Variants in SOCS5 observed in about 807,000 individuals in gnomAD.
SOCS5 encodes the protein suppressor of cytokine signaling 5.
Under a neutral mutation model 42.8 loss-of-function variants are expected in SOCS5, and 32 were observed. That is an observed-to-expected ratio of 0.75 (90% CI 0.56 to 1.01). The LOEUF is 1.01. Among genes scored for constraint, SOCS5 ranks in the 50% least tolerant of loss-of-function variants. The probability of loss-of-function intolerance (pLI) is 0.00; values close to 1 mark genes in which losing one functional copy is unlikely to be tolerated. For synonymous variants in SOCS5, 283 were observed against 229.6 expected (o/e 1.23, Z -2.10); for missense variants, 627 against 653.0 (o/e 0.96, Z 0.43).
At chr2:46,756,896 A>T (rs539277424) in intron 1 of SOCS5, among the ~76,000 whole-genome samples, 1 of 152,224 alleles carries the variant, frequency 6.6e-6, no homozygotes, top group East Asian at 1.9e-4. Flanking sequence ...AAAAATGCTT[A>T]CGAGAGAGAT....
intron 1 of SOCS5, among the ~76,000 whole-genome samples, chr2:46,700,838 T>C (rs1190358542): frequency 2.6e-5 from 4 of 152,218 alleles, no homozygotes; most frequent in Admixed American, 6.5e-5. Context: ...TTTAATCTTA[T>C]GAATATTTTC....
At position 46,760,616 on chromosome 2, in the gene SOCS5, C is replaced by A; in HGVS notation, c.*475C>A. The stretch of plus-strand genomic sequence containing the variant: ...GAAGTCCAAAAAGAATAAAAGACTG[C>A]CTTCCTTTTAGAAAAAAATGCAATT... On this transcript the variant is annotated 3_prime_UTR_variant, in exon 2 of 2. Transcript: ENST00000394861. 1 of 169,566 alleles carries A rather than the reference C, an allele frequency of 5.9e-6. No individual in the cohort carries two copies. The highest frequency in any genetic ancestry group is 1.4e-5 in the Non-Finnish European group (1 of 69,820). 10.5% of individuals were successfully genotyped at this position (169,566 alleles called of 1,614,324 possible).
At chr2:46,717,569 T>G (rs1403561387) in intron 1 of SOCS5, among the ~76,000 whole-genome samples, 3 of 152,188 alleles carry the variant, frequency 2.0e-5, no homozygotes, top group African/African-American at 7.2e-5. Context: ...TTTCGTAATC[T>G]TCCGGTTTAT....
chr2:46,720,519 A>G (rs1672854846), intron 1 of SOCS5, among the ~76,000 whole-genome samples: 2 of 152,230 alleles, frequency 1.3e-5, no homozygotes, highest in Non-Finnish European at 2.9e-5. Flanking sequence ...CCAATTTGGC[A>G]TTTCTAAAAC....
chr2:46,726,865 TC>T (rs1266660891), intron 1 of SOCS5, among the ~76,000 whole-genome samples: 2 of 151,710 alleles, frequency 1.3e-5, no homozygotes, highest in Non-Finnish European at 2.9e-5. Context: ...CAAGCGATTC[TC>T]CTGCCTCAGC....
At chr2:46,732,028 G>T (rs1321407368) in intron 1 of SOCS5, among the ~76,000 whole-genome samples, 3 of 152,186 alleles carry the variant, frequency 2.0e-5, no homozygotes, top group African/African-American at 4.8e-5. Context: ...TAACTTAAGA[G>T]ATGTACTGAG....
intron 1 of SOCS5, among the ~76,000 whole-genome samples, chr2:46,712,840 T>G (rs1009220304): frequency 6.6e-6 from 1 of 152,212 alleles, no homozygotes; most frequent in Non-Finnish European, 1.5e-5. Context: ...TCCTCTAGAT[T>G]CAATGAGGGA....
chr2:46,717,526 G>C (rs980938842), intron 1 of SOCS5, among the ~76,000 whole-genome samples: 5 of 150,450 alleles, frequency 3.3e-5, no homozygotes, highest in Non-Finnish European at 1.5e-5. Flanking sequence ...CGGGTTAACG[G>C]TTTTTTTTTC....
intron 1 of SOCS5, among the ~76,000 whole-genome samples, chr2:46,709,659 T>C (rs1415921377): frequency 6.6e-6 from 1 of 152,178 alleles, no homozygotes. Context: ...AAATGCCTAT[T>C]TTGAGTTGGG....
intron 1 of SOCS5, among the ~76,000 whole-genome samples, chr2:46,715,964 A>G (rs1401156009): frequency 6.6e-6 from 1 of 151,626 alleles, no homozygotes; most frequent in Non-Finnish European, 1.5e-5. Flanking sequence ...GGCCCTGTCC[A>G]TTTTTCTTCC....
intron 1 of SOCS5, among the ~76,000 whole-genome samples, chr2:46,722,731 G>A (rs1484222601): frequency 6.6e-6 from 1 of 152,116 alleles, no homozygotes; most frequent in Non-Finnish European, 1.5e-5. Flanking sequence ...GCATATGTAT[G>A]TTTAACTTTA....
intron 1 of SOCS5, among the ~76,000 whole-genome samples, chr2:46,703,490 T>C (rs1672391823): frequency 6.6e-6 from 1 of 152,220 alleles, no homozygotes; most frequent in Admixed American, 6.5e-5. Context: ...CATGACATAC[T>C]TTTAGGAATT....
Position 46,730,077 on chromosome 2 carries a change from A to G in SOCS5, c.-12-28442A>G, listed in dbSNP as rs77073597. ...AGAATAGGAGTTTTTCAGCTCTGTT[A>G]TGATCTTAAAGGACCACCATCATAT... On this transcript the variant is annotated intron_variant, in intron 1 of 1. Transcript: ENST00000394861. 2.6e-4 allele frequency among the ~76,000 whole-genome samples: 40 copies of G among 152,268 alleles called. 1 individual carries two copies. The East Asian group carries it at 7.5e-3, about 29-fold the overall frequency.
rs1480291247 is a variant in SOCS5, at chr2:46,761,558, G to C, written c.*1417G>C. The C allele has an allele frequency of 6.0e-6, 1 of 166,952 alleles. No individual in the cohort carries two copies. The highest frequency in any genetic ancestry group is 2.4e-5 in the African/African-American group (1 of 41,450). 10.3% of individuals were successfully genotyped at this position (166,952 alleles called of 1,614,324 possible). On this transcript the variant is annotated 3_prime_UTR_variant, in exon 2 of 2. Transcript: ENST00000394861. Reference sequence around the variant, plus strand: ...GCTAATGTATGTTTCTGCTTGCTGTGCCTTGTTATGGCTGCTTTTTTTGTG... The same window carrying C: ...GCTAATGTATGTTTCTGCTTGCTGTCCCTTGTTATGGCTGCTTTTTTTGTG...
chr2:46,760,907 T>C lies in SOCS5; in HGVS notation c.*766T>C, dbSNP rs1673853373. On this transcript the variant is annotated 3_prime_UTR_variant, in exon 2 of 2. Coordinates refer to ENST00000394861, the MANE Select transcript of SOCS5 (RefSeq NM_144949.3). ...TGTGTGATTTTTTTTTAAGTTGATG[T>C]GCAGTCTAATTGTTGTTTCATAAAA... 1 of 167,122 alleles carries C rather than the reference T, an allele frequency of 6.0e-6. No homozygotes were observed. The highest frequency in any genetic ancestry group is 1.5e-5 in the Non-Finnish European group (1 of 68,118). 10.4% of individuals were successfully genotyped at this position (167,122 alleles called of 1,614,324 possible).
intron 1 of SOCS5, among the ~76,000 whole-genome samples, chr2:46,736,657 T>A (rs1001233371): frequency 5.3e-5 from 8 of 152,036 alleles, no homozygotes; most frequent in African/African-American, 1.9e-4. Context: ...TAGAATATCC[T>A]TCCTATTTAA....
At chr2:46,743,239 C>A (rs900500665) in intron 1 of SOCS5, among the ~76,000 whole-genome samples, 1 of 152,012 alleles carries the variant, frequency 6.6e-6, no homozygotes, top group Non-Finnish European at 1.5e-5. Context: ...AGAAAGAATT[C>A]AGGGTGAGTC....
intron 1 of SOCS5, among the ~76,000 whole-genome samples, chr2:46,710,261 C>G (rs1189258810): frequency 2.0e-5 from 3 of 152,184 alleles, no homozygotes; most frequent in Non-Finnish European, 2.9e-5. Flanking sequence ...ATTCTCCTGC[C>G]TCAGCCTCCT....
chr2:46,729,927 C>G (rs1321250997), intron 1 of SOCS5, among the ~76,000 whole-genome samples: 2 of 152,004 alleles, frequency 1.3e-5, no homozygotes, highest in East Asian at 3.9e-4. Flanking sequence ...AATGTTTTTT[C>G]TTTATATCCT....
Sources: allele counts gnomAD v4.1 joint callset (sites outside exome capture counted in the v4.1 genomes callset), GRCh38; gene constraint gnomAD v4.1.1; transcripts MANE v1.5; gene names NCBI Gene and HGNC (gene_info 2026-07-23, HGNC 2026-07-21).